SHH: variants seen among roughly 807,000 people sequenced by gnomAD.
SHH encodes the protein sonic hedgehog signaling molecule, also known as sonic hedgehog protein.
A neutral mutation model predicts 16.6 loss-of-function variants in SHH; 3 were observed. The ratio of observed to expected loss-of-function variants is 0.18; its 90% CI spans 0.08 to 0.47. The LOEUF (loss-of-function observed/expected upper bound fraction) is 0.47, where lower values mean the gene tolerates loss of function less well. Among genes scored for constraint, SHH ranks in the 20% least tolerant of loss-of-function variants. The pLI, the probability that SHH is intolerant of heterozygous loss-of-function variation, is 0.98. For missense variants in SHH, 499 were observed against 665.0 expected (o/e 0.75, Z 2.75); for synonymous variants, 351 against 316.2 (o/e 1.11, Z -1.17).
At position 155,802,881 on chromosome 7, in the gene SHH, C is replaced by CCA; in HGVS notation, c.*18_*19insTG. On this transcript the variant is annotated 3_prime_UTR_variant, in exon 3 of 3. Coordinates refer to ENST00000297261, the MANE Select transcript of SHH (RefSeq NM_000193.4). The stretch of plus-strand genomic sequence containing the variant: ...CCCCGCCCCGCCCCCTCCCGCGCCC[C>CCA]TCCCCCGGCCCCCCGGCTTCAGCTG... The CCA allele has an allele frequency of 3.9e-6, 5 of 1,295,976 alleles. No homozygotes were observed. Among genetic ancestry groups the CCA allele is most frequent in the African/African-American group, 1.5e-5 (1 of 65,216 alleles). 80.3% of individuals were successfully genotyped at this position (1,295,976 alleles called of 1,614,324 possible). A position where few individuals can be genotyped will look rare whatever the true frequency, so the allele number is the denominator to read the frequency against.
At position 155,803,526 on chromosome 7, in the gene SHH, T is replaced by G. The variant is rs1554493839; in HGVS notation, c.763A>C (p.Ile255Leu). 3 of 1,590,036 alleles carry G rather than the reference T, an allele frequency of 1.9e-6. No homozygotes were observed. Among genetic ancestry groups the G allele is most frequent in the Non-Finnish European group, 2.6e-6 (3 of 1,174,018 alleles). Reference protein sequence around the residue: ...DDGAKKVFYVIETREPRERLL... With the variant: ...DDGAKKVFYVLETREPRERLL... Reference sequence around the variant, plus strand: ...CGCTCGCGCGGCTCCCGCGTCTCGATCACGTAGAAGACCTTCTTGGCGCCG... The same window carrying G: ...CGCTCGCGCGGCTCCCGCGTCTCGAGCACGTAGAAGACCTTCTTGGCGCCG... Residue 255 changes from isoleucine (I) to leucine (L), a missense_variant, in exon 3 of 3, where the codon ATC (isoleucine) becomes CTC (leucine). Physicochemically the swap from Ile to Leu is conservative, Grantham distance 5 (BLOSUM62 2). Coordinates refer to ENST00000297261, the MANE Select transcript of SHH (RefSeq NM_000193.4).
intron 2 of SHH, among the ~76,000 whole-genome samples, chr7:155,804,238 C>T (rs1054100078): frequency 5.3e-5 from 8 of 150,950 alleles, no homozygotes; most frequent in Non-Finnish European, 1.2e-4. Flanking sequence ...GCCCGCCTGC[C>T]CGCCTGCCCG....
At chr7:155,811,345 C>A (rs967486220) in intron 1 of SHH, among the ~76,000 whole-genome samples, 1 of 152,110 alleles carries the variant, frequency 6.6e-6, no homozygotes, top group African/African-American at 2.4e-5. Flanking sequence ...ACAGAGGCAA[C>A]GGGAAACGTG....
Position 155,800,029 on chromosome 7 carries a change from AAC to A in SHH, c.*2869_*2870del. 1 of 471,416 alleles carries A rather than the reference AAC, an allele frequency of 2.1e-6. No individual in the cohort carries two copies. The allele number at this position is 471,416 out of a possible 1,614,324, so 29.2% of individuals were successfully genotyped here. A position where few individuals can be genotyped will look rare whatever the true frequency, so the allele number is the denominator to read the frequency against. On this transcript the variant is annotated 3_prime_UTR_variant, in exon 3 of 3. Coordinates refer to ENST00000297261, the MANE Select transcript of SHH (RefSeq NM_000193.4). ...TATTCAAACAATAGAGCACAAAGAT[AAC>A]AGTTTCAAGTACATTGTGATACACG...
intron 1 of SHH, among the ~76,000 whole-genome samples, chr7:155,810,496 T>C (rs935793584): frequency 6.6e-6 from 1 of 152,214 alleles, no homozygotes; most frequent in African/African-American, 2.4e-5. Context: ...GAGTTAATTG[T>C]GGATCGCGCT....
chr7:155,805,092 C>G (rs1300139750), intron 2 of SHH, among the ~76,000 whole-genome samples: 1 of 151,946 alleles, frequency 6.6e-6, no homozygotes, highest in Non-Finnish European at 1.5e-5. Flanking sequence ...CGCGGCTCCG[C>G]TCTCCCGGCG....
intron 2 of SHH, 121 bp from the exon 3 acceptor site, chr7:155,803,847 C>CGCGGG: frequency 6.0e-6 from 5 of 832,954 alleles, no homozygotes; most frequent in Non-Finnish European, 9.5e-6. Flanking sequence ...GTGCGCAAGG[C>CGCGGG]GCGGGGCGGG....
Position 155,807,860 on chromosome 7 carries a change from G to A in SHH, c.301-1303C>T, listed in dbSNP as rs545761114. ...CTGACCTCTAACCTCCTCCAGTCTG[G>A]AAGGATGCTCTGCTTGGAGTCTGGT... On this transcript the variant is annotated intron_variant, in intron 1 of 2. Coordinates refer to ENST00000297261, the MANE Select transcript of SHH (RefSeq NM_000193.4). The surrounding 1 kb of genome is among the most constrained non-coding windows in gnomAD (Gnocchi z 7.1). 5.5e-4 allele frequency among the ~76,000 whole-genome samples: 83 copies of A among 152,120 alleles called. No individual in the cohort carries two copies. The highest frequency in any genetic ancestry group is 2.0e-3 in the African/African-American group (83 of 41,502).
rs928705822 is a variant in SHH at position 155,802,540 on chromosome 7, A to G, written c.*360T>C. 1.2e-5 allele frequency: 2 copies of G among 172,152 alleles called. No individual in the cohort carries two copies. Among genetic ancestry groups the G allele is most frequent in the African/African-American group, 4.7e-5 (2 of 42,286 alleles). 10.7% of individuals were successfully genotyped at this position (172,152 alleles called of 1,614,324 possible). Reference sequence around the variant, plus strand: ...AATCTTTCCCCCGTGAGTACAGTTCACATGATCATAATAAATTATCCAAGA... The same window carrying G: ...AATCTTTCCCCCGTGAGTACAGTTCGCATGATCATAATAAATTATCCAAGA... On this transcript the variant is annotated 3_prime_UTR_variant, in exon 3 of 3. Coordinates refer to ENST00000297261, the MANE Select transcript of SHH (RefSeq NM_000193.4).
chr7:155,806,719 C>A lies in SHH; in HGVS notation c.301-162G>T, dbSNP rs559818345. Reference sequence around the variant, plus strand: ...GAATGGCCCAGACACACCGAAGAGCCGGGCCCTGGGCTGGGGAAGAGGGAC... The same window carrying A: ...GAATGGCCCAGACACACCGAAGAGCAGGGCCCTGGGCTGGGGAAGAGGGAC... On this transcript the variant is annotated intron_variant, in intron 1 of 2. Coordinates refer to ENST00000297261, the MANE Select transcript of SHH (RefSeq NM_000193.4). 6 of 857,396 alleles carry A rather than the reference C, an allele frequency of 7.0e-6. No individual in the cohort carries two copies. In the South Asian group the frequency reaches 7.2e-5, roughly 10 times the overall value. 53.1% of individuals were successfully genotyped at this position (857,396 alleles called of 1,614,324 possible).
At chr7:155,811,738 C>A in intron 1 of SHH, 85 bp downstream of exon 1, 1 of 1,358,492 alleles carries the variant, frequency 7.4e-7, no homozygotes, top group Non-Finnish European at 1.1e-6. Context: ...GCCCGAAGAG[C>A]AAACAGAGTT....
chr7:155,803,476 C>T lies in SHH; in HGVS notation c.813G>A (p.Leu271=), dbSNP rs1381598457. The T allele has an allele frequency of 6.4e-7, 1 of 1,562,812 alleles. No homozygotes were observed. The highest frequency in any genetic ancestry group is 8.6e-7 in the Non-Finnish European group (1 of 1,158,838). ...RERLLLTAAH[L]LFVAPHNDSA... ...AGTCGTTGTGCGGCGCCACAAAGAG[C>T]AGGTGCGCGGCGGTGAGCAGCAGGC... The change falls in exon 3 of 3, where the codon CTG becomes CTA. Residue 271 remains leucine, a synonymous_variant. Transcript: ENST00000297261.
chr7:155,805,111 G>C (rs941800076), intron 2 of SHH, among the ~76,000 whole-genome samples: 2 of 151,798 alleles, frequency 1.3e-5, no homozygotes, highest in Non-Finnish European at 2.9e-5. Context: ...CGCGATCCGG[G>C]GGATGGATTA....
In SHH at chr7:155,803,559, G is replaced by C; in HGVS notation, c.730C>G (p.Arg244Gly). 1.3e-6 allele frequency: 2 copies of C among 1,597,994 alleles called. No individual in the cohort carries two copies. Among genetic ancestry groups the C allele is most frequent in the Non-Finnish European group, 1.7e-6 (2 of 1,179,002 alleles). ...LYSDFLTFLD[R>G]DDGAKKVFYV... is the part of the protein sequence containing the mutation. Reference sequence around the variant, plus strand: ...AAGACCTTCTTGGCGCCGTCGTCGCGGTCCAGGAAAGTGAGGAAGTCGCTG... The same window carrying C: ...AAGACCTTCTTGGCGCCGTCGTCGCCGTCCAGGAAAGTGAGGAAGTCGCTG... The change falls in exon 3 of 3, where the codon CGC (arginine) becomes GGC (glycine). Residue 244 changes from arginine to glycine, a missense_variant. Physicochemically the swap from Arg to Gly is moderately radical, Grantham distance 125. This residue lies in a region of SHH where 114 missense variants were observed against 200.4 expected (regional missense o/e 0.57). Coordinates refer to ENST00000297261, the MANE Select transcript of SHH (RefSeq NM_000193.4).
Position 155,809,806 on chromosome 7 carries a change from T to C in SHH, c.300+2017A>G, listed in dbSNP as rs1803462110. 6.6e-6 allele frequency among the ~76,000 whole-genome samples: 1 copy of C among 151,756 alleles called. No individual in the cohort carries two copies. The highest frequency in any genetic ancestry group is 1.9e-4 in the East Asian group (1 of 5,148). On this transcript the variant is annotated intron_variant, in intron 1 of 2. Transcript: ENST00000297261. This position sits in a 1 kb window ranked among gnomAD's most constrained non-coding sequence, Gnocchi z 6.1. ...GGCCGGGCGCGGGGCCGCTGGGCCCTGCGTCCCCCGGCAGGGCGGACGGGG... is the reference window on the plus strand; with the variant it reads ...GGCCGGGCGCGGGGCCGCTGGGCCCCGCGTCCCCCGGCAGGGCGGACGGGG...
rs1158312429 is a variant in SHH at position 155,800,810 on chromosome 7, C to A, written c.*2090G>T. The A allele has an allele frequency of 2.8e-6, 1 of 357,862 alleles. No individual in the cohort carries two copies. The highest frequency in any genetic ancestry group is 7.4e-5 in the East Asian group (1 of 13,460). 22.2% of individuals were successfully genotyped at this position (357,862 alleles called of 1,614,324 possible). A position where few individuals can be genotyped will look rare whatever the true frequency, so the allele number is the denominator to read the frequency against. The stretch of plus-strand genomic sequence containing the variant: ...AGGGCAGACCCGTAGCAGAGCAGAC[C>A]CTCAGGGACTGGGCCCAACCTCGGG... On this transcript the variant is annotated 3_prime_UTR_variant, in exon 3 of 3. Coordinates refer to ENST00000297261, the MANE Select transcript of SHH (RefSeq NM_000193.4).
In SHH at chr7:155,812,387, C is replaced by T. The variant is rs749947576; in HGVS notation, c.-265G>A. Reference sequence around the variant, plus strand: ...GCCGGCCGCTGATAACGGAACACATCGGAGTTGGGTCGCGAGACAGCAATC... The same window carrying T: ...GCCGGCCGCTGATAACGGAACACATTGGAGTTGGGTCGCGAGACAGCAATC... On this transcript the variant is annotated 5_prime_UTR_variant, in exon 1 of 3. Coordinates refer to ENST00000297261, the MANE Select transcript of SHH (RefSeq NM_000193.4). The T allele has an allele frequency of 7.4e-5, 42 of 568,500 alleles. No individual in the cohort carries two copies. The highest frequency in any genetic ancestry group is 1.2e-4 in the Non-Finnish European group (38 of 315,844). 35.2% of individuals were successfully genotyped at this position (568,500 alleles called of 1,614,324 possible).
At chr7:155,805,943 G>T (rs1803349771) in intron 2 of SHH, among the ~76,000 whole-genome samples, 1 of 152,234 alleles carries the variant, frequency 6.6e-6, no homozygotes, top group Non-Finnish European at 1.5e-5. Context: ...GAAGGAGCTC[G>T]CCCAGACCTG....
chr7:155,802,112 AAAAAG>A lies in SHH; in HGVS notation c.*783_*787del, dbSNP rs1261547317. 3.3e-5 allele frequency: 5 copies of A among 151,350 alleles called. No homozygotes were observed. The highest frequency in any genetic ancestry group is 6.6e-5 in the Admixed American group (1 of 15,188). 9.4% of individuals were successfully genotyped at this position (151,350 alleles called of 1,614,324 possible). On this transcript the variant is annotated 3_prime_UTR_variant, in exon 3 of 3. Coordinates refer to ENST00000297261, the MANE Select transcript of SHH (RefSeq NM_000193.4). ...AAAAAAAAAAAAAAGAAAAGAAAAGAAAAAGAAAAGTGTGTGTGTATGTTGTGTGT... is the reference window on the plus strand; with the variant it reads ...AAAAAAAAAAAAAAGAAAAGAAAAGAAAAAGTGTGTGTGTATGTTGTGTGT...
Sources: allele counts gnomAD v4.1 joint callset (sites outside exome capture counted in the v4.1 genomes callset), GRCh38; gene constraint gnomAD v4.1.1; regional missense constraint gnomAD v4.1.1; non-coding constraint Gnocchi (gnomAD v3.1); transcripts MANE v1.5; gene names NCBI Gene and HGNC (gene_info 2026-07-23, HGNC 2026-07-21).